The following GPC3 variants were observed in gnomAD, a reference collection of about 807,000 sequenced individuals.
The protein encoded by GPC3 is glypican 3, also known as glypican-3.
GPC3 carries 3 observed loss-of-function variants against 34.4 expected under a neutral mutation model. That is an observed-to-expected ratio of 0.09 (90% CI 0.04 to 0.23). The LOEUF (loss-of-function observed/expected upper bound fraction) is 0.23, where lower values mean the gene tolerates loss of function less well. Among genes scored for constraint, GPC3 ranks in the 10% least tolerant of loss-of-function variants. The pLI is 1.00. For missense variants in GPC3, 351 were observed against 445.6 expected (o/e 0.79, Z 1.91); for synonymous variants, 177 against 174.0 (o/e 1.02, Z -0.13).
intron 2 of GPC3, among the ~76,000 whole-genome samples, chrX:133,895,494 C>A (rs908827167): frequency 9.0e-6 from 1 of 111,170 alleles, no homozygotes; most frequent in Non-Finnish European, 1.9e-5. Context: ...CCCTGCCATT[C>A]CTTATTAAAG....
intron 7 of GPC3, among the ~76,000 whole-genome samples, chrX:133,566,146 T>A (rs2069579651): frequency 8.9e-6 from 1 of 112,221 alleles, no homozygotes; most frequent in Non-Finnish European, 1.9e-5. Context: ...TAAGCACAAT[T>A]GAGCTTTACA....
At chrX:133,764,190 T>C (rs1393774815) in intron 2 of GPC3, among the ~76,000 whole-genome samples, 1 of 111,743 alleles carries the variant, frequency 8.9e-6, no homozygotes, top group African/African-American at 3.3e-5. Flanking sequence ...AAATACCACA[T>C]GTTCTCAATT....
Position 133,888,699 on chromosome X carries a change from C to T in GPC3, c.337+64351G>A, listed in dbSNP as rs188372379. 3.5e-3 allele frequency among the ~76,000 whole-genome samples: 391 copies of T among 112,321 alleles called. 3 individuals carry two copies. The highest frequency in any genetic ancestry group is 0.012 in the African/African-American group (371 of 30,946). On this transcript the variant is annotated intron_variant, in intron 2 of 7. Coordinates refer to ENST00000370818, the MANE Select transcript of GPC3 (RefSeq NM_004484.4). ...GTGATGATGAGCATTTTTTATACAT[C>T]TGTTGGCTGCATAAATGTCTCCAGA... is the stretch of plus-strand genomic sequence containing the variant.
At chrX:133,692,759 G>A (rs771769360) in intron 4 of GPC3, among the ~76,000 whole-genome samples, 3 of 111,976 alleles carry the variant, frequency 2.7e-5, no homozygotes, top group Non-Finnish European at 3.8e-5. Flanking sequence ...TTTCTAAGAC[G>A]TTCCACTTCC....
chrX:133,754,723 G>A (rs2071710012), intron 2 of GPC3, among the ~76,000 whole-genome samples: 1 of 112,118 alleles, frequency 8.9e-6, no homozygotes, highest in South Asian at 3.8e-4. Flanking sequence ...ATTTTCTCCT[G>A]ATAACTTTAA....
chrX:133,883,473 T>C (rs778573045), intron 2 of GPC3, among the ~76,000 whole-genome samples: 3 of 112,081 alleles, frequency 2.7e-5, no homozygotes, highest in African/African-American at 9.7e-5. Flanking sequence ...AGAATTTTAT[T>C]TGCAATATAT....
intron 6 of GPC3, among the ~76,000 whole-genome samples, chrX:133,655,000 T>C (rs146466283): frequency 1.2e-3 from 134 of 111,768 alleles, no homozygotes; most frequent in African/African-American, 4.2e-3. Flanking sequence ...ACAACACTAA[T>C]ACCAACAACA....
At chrX:133,611,312 C>T (rs2070110042) in intron 6 of GPC3, among the ~76,000 whole-genome samples, 1 of 110,098 alleles carries the variant, frequency 9.1e-6, no homozygotes, top group African/African-American at 3.3e-5. Flanking sequence ...ATAGAGCCTA[C>T]CCTCATATAG....
In GPC3 at chrX:133,753,556, G is replaced by A. The variant is rs372222280; in HGVS notation, c.958C>T (p.Leu320=). 8.3e-7 allele frequency: 1 copy of A among 1,209,668 alleles called. No homozygotes were observed. The highest frequency in any genetic ancestry group is 1.1e-6 in the Non-Finnish European group (1 of 893,561). ...TGGATTGTTGAAAAGAGACCAAGCA[G>A]TACGTTCTCCATGTCATAGATTCTG... ...MYRIYDMENV[L]LGLFSTIHDS... is the part of the protein sequence containing the mutation. The change falls in exon 3 of 8, where the codon CTG becomes TTG. Residue 320 remains leucine (L), a synonymous_variant. Transcript: ENST00000370818.
chrX:133,897,128 G>C (rs188991112), intron 2 of GPC3, among the ~76,000 whole-genome samples: 1,405 of 107,235 alleles, frequency 0.013, 32 homozygotes, highest in African/African-American at 0.045. Flanking sequence ...GGATGGTCTC[G>C]ATCTCCGGAC....
intron 5 of GPC3, 106 bp from the exon 6 acceptor site, chrX:133,661,956 A>C: frequency 1.1e-6 from 1 of 939,492 alleles, no homozygotes. Flanking sequence ...AGCTCATGAG[A>C]CGACCTCATG....
At chrX:133,700,086 C>G in intron 3 of GPC3, 58 bp from the exon 4 acceptor site, 1 of 955,105 alleles carries the variant, frequency 1.0e-6, no homozygotes, top group Non-Finnish European at 1.5e-6. Context: ...ATAGTAGAAA[C>G]AAATTCTGAA....
At chrX:133,539,266 T>C (rs2069322108) in intron 7 of GPC3, among the ~76,000 whole-genome samples, 1 of 111,593 alleles carries the variant, frequency 9.0e-6, no homozygotes, top group Non-Finnish European at 1.9e-5. Context: ...GTAGAAGAGC[T>C]ATTTGAGTCC....
intron 3 of GPC3, among the ~76,000 whole-genome samples, chrX:133,714,706 G>T (rs2071298650): frequency 9.0e-6 from 1 of 111,651 alleles, no homozygotes; most frequent in African/African-American, 3.3e-5. Context: ...TGAGAAAATT[G>T]GCAAAAACAT....
At chrX:133,669,633 G>T (rs933723544) in intron 5 of GPC3, among the ~76,000 whole-genome samples, 1 of 111,791 alleles carries the variant, frequency 8.9e-6, no homozygotes, top group Non-Finnish European at 1.9e-5. Flanking sequence ...GTAACAATGG[G>T]TTAGCTACTT....
At chrX:133,653,500 A>C (rs2070622720) in intron 6 of GPC3, among the ~76,000 whole-genome samples, 2 of 111,489 alleles carry the variant, frequency 1.8e-5, no homozygotes, top group Admixed American at 1.9e-4. Context: ...ATGAGACTGA[A>C]AGGATGACTG....
chrX:133,977,211 C>A (rs911271381), intron 1 of GPC3, among the ~76,000 whole-genome samples: 6 of 111,502 alleles, frequency 5.4e-5, no homozygotes, highest in African/African-American at 2.0e-4. Context: ...CTGTACAAGG[C>A]ACTCTACTCA....
intron 2 of GPC3, among the ~76,000 whole-genome samples, chrX:133,853,259 G>A (rs1219220443): frequency 9.0e-6 from 1 of 111,619 alleles, no homozygotes; most frequent in Non-Finnish European, 1.9e-5. Flanking sequence ...TACCACAAAA[G>A]CATATGGTTA....
intron 1 of GPC3, among the ~76,000 whole-genome samples, chrX:133,960,203 T>C (rs952018406): frequency 3.6e-5 from 4 of 109,965 alleles, no homozygotes; most frequent in African/African-American, 3.3e-5. Context: ...TGGGGCGTAA[T>C]AGCTTATCAG....
Sources: allele counts gnomAD v4.1 joint callset (sites outside exome capture counted in the v4.1 genomes callset), GRCh38; gene constraint gnomAD v4.1.1; transcripts MANE v1.5; gene names NCBI Gene and HGNC (gene_info 2026-07-23, HGNC 2026-07-21).